Variants in RALGPS1 observed in about 807,000 individuals in gnomAD.
RALGPS1 encodes Ral GEF with PH domain and SH3 binding motif 1.
A neutral mutation model predicts 78.8 loss-of-function variants in RALGPS1; 19 were observed. That is an observed-to-expected ratio of 0.24 (90% CI 0.17 to 0.35). The LOEUF is 0.35. RALGPS1 is among the 10% of genes least tolerant of loss of function. The probability of loss-of-function intolerance (pLI) is 1.00; values close to 1 mark genes in which losing one functional copy is unlikely to be tolerated. For missense variants in RALGPS1, 454 were observed against 688.3 expected (o/e 0.66, Z 3.81); for synonymous variants, 228 against 256.3 (o/e 0.89, Z 1.06).
At chr9:127,159,574 C>G (rs1392133653) in intron 8 of RALGPS1, among the ~76,000 whole-genome samples, 1 of 152,226 alleles carries the variant, frequency 6.6e-6, no homozygotes, top group East Asian at 1.9e-4. Context: ...AAGGAATACT[C>G]TCTAAATGAG....
At chr9:127,103,085 C>T (rs573879281) in intron 8 of RALGPS1, among the ~76,000 whole-genome samples, 33 of 152,358 alleles carry the variant, frequency 2.2e-4, no homozygotes, top group South Asian at 1.9e-3. Context: ...CTGACCCAGC[C>T]ACACATGGGT....
intron 1 of RALGPS1, among the ~76,000 whole-genome samples, chr9:126,925,211 T>C (rs2035155116): frequency 6.6e-6 from 1 of 152,128 alleles, no homozygotes; most frequent in African/African-American, 2.4e-5. Context: ...TACAGTCTAG[T>C]AGCAAGGTTA....
chr9:126,952,654 A>AGTGTGTGTGTGTGTGTGT (rs1392225698), intron 1 of RALGPS1, among the ~76,000 whole-genome samples: 1,519 of 137,644 alleles, frequency 0.011, 21 homozygotes, highest in Non-Finnish European at 0.016. Flanking sequence ...AGAGAGAGAG[A>AGTGTGTGTGTGTGTGTGT]GAGTGTGTGT....
At chr9:127,143,079 ATT>A (rs1332167327) in intron 8 of RALGPS1, among the ~76,000 whole-genome samples, 1 of 151,898 alleles carries the variant, frequency 6.6e-6, no homozygotes, top group East Asian at 1.9e-4. Context: ...TTCCTTAGCT[ATT>A]TCCCTATTGT....
intron 3 of RALGPS1, among the ~76,000 whole-genome samples, chr9:126,972,581 G>T (rs2040221550): frequency 6.6e-6 from 1 of 152,200 alleles, no homozygotes. Flanking sequence ...CTGCGGTCTT[G>T]CCAAAGGGAT....
chr9:127,194,693 G>A (rs959986077), intron 11 of RALGPS1, among the ~76,000 whole-genome samples: 3 of 152,100 alleles, frequency 2.0e-5, no homozygotes, highest in Admixed American at 6.5e-5. Context: ...GATTACAGGC[G>A]TGAGCCACCA....
intron 1 of RALGPS1, among the ~76,000 whole-genome samples, chr9:126,961,555 G>A (rs1049040275): frequency 1.3e-5 from 2 of 152,200 alleles, no homozygotes; most frequent in African/African-American, 4.8e-5. Flanking sequence ...TGTAATCCTA[G>A]CACTTTGGGA....
intron 14 of RALGPS1, among the ~76,000 whole-genome samples, chr9:127,209,467 C>G (rs1171323083): frequency 6.6e-6 from 1 of 152,220 alleles, no homozygotes; most frequent in Non-Finnish European, 1.5e-5. Context: ...GTTGAGCACA[C>G]CAGGGCCTCT....
rs1469949552 is a variant in RALGPS1 at position 126,930,190 on chromosome 9, A to T, written c.-66+15215A>T. ...TTTATTTTAGTTTTTTTTTTTTTTTAAACTCCAAAGCCCCATTGTTATAAT... is the reference window on the plus strand; with the variant it reads ...TTTATTTTAGTTTTTTTTTTTTTTTTAACTCCAAAGCCCCATTGTTATAAT... On this transcript the variant is annotated intron_variant, in intron 1 of 18. Transcript: ENST00000259351. 4.1e-5 allele frequency among the ~76,000 whole-genome samples: 6 copies of T among 146,706 alleles called. No homozygotes were observed. The East Asian group carries it at 7.9e-4, about 19-fold the overall frequency.
chr9:126,929,338 A>G (rs937465026), intron 1 of RALGPS1, among the ~76,000 whole-genome samples: 5 of 152,262 alleles, frequency 3.3e-5, no homozygotes, highest in African/African-American at 1.2e-4. Flanking sequence ...ACTATTAAGT[A>G]TGATCAAAGT....
chr9:127,027,747 G>A (rs1207713754), intron 4 of RALGPS1, among the ~76,000 whole-genome samples: 2 of 152,204 alleles, frequency 1.3e-5, no homozygotes, highest in African/African-American at 2.4e-5. Context: ...CTGCTTTGTA[G>A]TCTCAGATTG....
intron 8 of RALGPS1, among the ~76,000 whole-genome samples, chr9:127,106,258 CA>C (rs36083212): frequency 0.37 from 56,482 of 151,686 alleles, 12,278 homozygotes; most frequent in Non-Finnish European, 0.48. Flanking sequence ...TGCCCAAGGG[CA>C]CGTTTTACCC....
intron 1 of RALGPS1, among the ~76,000 whole-genome samples, chr9:126,933,647 C>G (rs1178216816): frequency 6.6e-6 from 1 of 152,172 alleles, no homozygotes; most frequent in Non-Finnish European, 1.5e-5. Context: ...AAGTCACCTT[C>G]TCTCAGTGAA....
chr9:126,997,486 A>G (rs2042882313), intron 4 of RALGPS1, among the ~76,000 whole-genome samples: 1 of 152,238 alleles, frequency 6.6e-6, no homozygotes, highest in African/African-American at 2.4e-5. Context: ...CTCTTCAAGG[A>G]GAACTACAAA....
chr9:127,023,756 C>A (rs1415161768), intron 4 of RALGPS1, among the ~76,000 whole-genome samples: 1 of 152,200 alleles, frequency 6.6e-6, no homozygotes, highest in Non-Finnish European at 1.5e-5. Flanking sequence ...AGAAACAGGG[C>A]TGGGCGCGGT....
chr9:126,960,241 CTT>C (rs35409028), intron 1 of RALGPS1, among the ~76,000 whole-genome samples: 18,711 of 109,682 alleles, frequency 0.17, 2,246 homozygotes, highest in East Asian at 0.43. Context: ...TCCTTTCTTC[CTT>C]TTTTTTTTTT....
In RALGPS1 at chr9:127,218,946, A is replaced by G; in HGVS notation, c.*177A>G. On this transcript the variant is annotated 3_prime_UTR_variant, in exon 19 of 19. Coordinates refer to ENST00000259351, the MANE Select transcript of RALGPS1 (RefSeq NM_014636.3). The surrounding 1 kb of genome is among the most constrained non-coding windows in gnomAD (Gnocchi z 4.4). The stretch of plus-strand genomic sequence containing the variant: ...AGAGGGCTTCACCAGTGTGGGATCC[A>G]CCTGTCAGTCCCCAGCGACTCTCAT... 1 of 700,492 alleles carries G rather than the reference A, an allele frequency of 1.4e-6. No individual in the cohort carries two copies. The highest frequency in any genetic ancestry group is 2.5e-6 in the Non-Finnish European group (1 of 398,842). The allele number at this position is 700,492 out of a possible 1,614,324, so 43.4% of individuals were successfully genotyped here.
At chr9:127,047,646 C>T (rs1444236557) in intron 5 of RALGPS1, among the ~76,000 whole-genome samples, 1 of 149,890 alleles carries the variant, frequency 6.7e-6, no homozygotes, top group Non-Finnish European at 1.5e-5. Context: ...TTGCAGTGAG[C>T]AGAGATCGTG....
At chr9:127,031,562 C>G (rs2046433667) in intron 4 of RALGPS1, among the ~76,000 whole-genome samples, 1 of 152,224 alleles carries the variant, frequency 6.6e-6, no homozygotes, top group South Asian at 2.1e-4. Context: ...CTCCTTCAGT[C>G]TCTGTCACAA....
Sources: allele counts gnomAD v4.1 joint callset (sites outside exome capture counted in the v4.1 genomes callset), GRCh38; gene constraint gnomAD v4.1.1; non-coding constraint Gnocchi (gnomAD v3.1); transcripts MANE v1.5; gene names NCBI Gene and HGNC (gene_info 2026-07-23, HGNC 2026-07-21).